NUDT3: variants seen among roughly 807,000 people sequenced by gnomAD.
The protein encoded by NUDT3 is nudix hydrolase 3, also known as diphosphoinositol polyphosphate phosphohydrolase 1.
Under a neutral mutation model 23.6 loss-of-function variants are expected in NUDT3, and 9 were observed. That is an observed-to-expected ratio of 0.38 (90% confidence interval 0.23 to 0.66). NUDT3 has a LOEUF of 0.66. Ranked by LOEUF, NUDT3 falls within the 30% of genes least tolerant of loss-of-function variation. The probability of loss-of-function intolerance (pLI) is 0.52; values close to 1 mark genes in which losing one functional copy is unlikely to be tolerated. For missense variants in NUDT3, 172 were observed against 218.5 expected (o/e 0.79, Z 1.34); for synonymous variants, 86 against 82.6 (o/e 1.04, Z -0.22).
In NUDT3 at chr6:34,376,752, C is replaced by T. The variant is rs184621903; in HGVS notation, c.99+15512G>A. On this transcript the variant is annotated intron_variant, in intron 1 of 4. Transcript: ENST00000607016. ...CTGAGTTCACCCTGCATTCTACTCT[C>T]ACACATACCTTTCCACAACCCTTTG... 8.5e-4 allele frequency among the ~76,000 whole-genome samples: 130 copies of T among 152,294 alleles called. No individual in the cohort carries two copies. The East Asian group carries it at 0.011, about 12-fold the overall frequency.
At position 34,284,749 on chromosome 6, in the gene NUDT3, C is replaced by G. The variant is rs1763315331; in HGVS notation, c.*4004G>C. 2 of 152,166 alleles carry G rather than the reference C, an allele frequency of 1.3e-5. No individual in the cohort carries two copies. Among genetic ancestry groups the G allele is most frequent in the African/African-American group, 2.4e-5 (1 of 41,426 alleles). 9.4% of individuals were successfully genotyped at this position (152,166 alleles called of 1,614,324 possible). ...GGAAGGAGCAGGAGGAGGAACAGATCTGCACAGAATTTTTTTCTTAAAAAC... is the reference window on the plus strand; with the variant it reads ...GGAAGGAGCAGGAGGAGGAACAGATGTGCACAGAATTTTTTTCTTAAAAAC... On this transcript the variant is annotated 3_prime_UTR_variant, in exon 5 of 5. Transcript: ENST00000607016.
rs1169349526 is a variant in NUDT3 at position 34,281,836 on chromosome 6, A to C, written c.*6917T>G. The C allele has an allele frequency of 6.6e-6, 1 of 152,158 alleles. No individual in the cohort carries two copies. The highest frequency in any genetic ancestry group is 1.9e-4 in the East Asian group (1 of 5,198). The allele number at this position is 152,158 out of a possible 1,614,324, so 9.4% of individuals were successfully genotyped here. A position where few individuals can be genotyped will look rare whatever the true frequency, so the allele number is the denominator to read the frequency against. On this transcript the variant is annotated 3_prime_UTR_variant, in exon 5 of 5. Transcript: ENST00000607016. ...CTGAGCAAACATGCTCCCAGTCACG[A>C]GGGATGGGGTGAGCGGGCAGGTTTC...
chr6:34,309,686 A>G (rs760860361), intron 2 of NUDT3, among the ~76,000 whole-genome samples: 17 of 152,066 alleles, frequency 1.1e-4, no homozygotes, highest in Non-Finnish European at 1.9e-4. Flanking sequence ...ATAAAAATTG[A>G]TAAGTCTTCA....
At chr6:34,358,637 G>T (rs1038107936) in intron 1 of NUDT3, among the ~76,000 whole-genome samples, 6 of 152,100 alleles carry the variant, frequency 3.9e-5, no homozygotes, top group Admixed American at 3.3e-4. Flanking sequence ...TATACCAACA[G>T]ATTGTAAACC....
intron 1 of NUDT3, among the ~76,000 whole-genome samples, chr6:34,354,299 C>T (rs1323953322): frequency 1.3e-5 from 2 of 152,000 alleles, no homozygotes; most frequent in Non-Finnish European, 2.9e-5. Flanking sequence ...GCATGAGCCA[C>T]TGGGCCTGGC....
At chr6:34,390,860 A>G (rs1765187064) in intron 1 of NUDT3, among the ~76,000 whole-genome samples, 1 of 152,184 alleles carries the variant, frequency 6.6e-6, no homozygotes, top group African/African-American at 2.4e-5. Context: ...AAGGCTCTGG[A>G]GCAATAAGCA....
At chr6:34,333,550 A>C (rs950525963) in intron 2 of NUDT3, among the ~76,000 whole-genome samples, 2 of 152,202 alleles carry the variant, frequency 1.3e-5, no homozygotes, top group East Asian at 3.8e-4. Context: ...CCTGGATTCA[A>C]ATCTTACCTT....
intron 3 of NUDT3, among the ~76,000 whole-genome samples, chr6:34,294,989 C>T (rs1369458148): frequency 2.0e-5 from 3 of 152,078 alleles, no homozygotes; most frequent in Admixed American, 2.0e-4. Flanking sequence ...ATTTGTATCA[C>T]AGCTTATTTC....
At chr6:34,326,940 GAGAGAGAGATCGTACGA>G (rs1764042495) in intron 2 of NUDT3, among the ~76,000 whole-genome samples, 1 of 152,058 alleles carries the variant, frequency 6.6e-6, no homozygotes, top group Non-Finnish European at 1.5e-5. Flanking sequence ...GTGTGGAGAC[GAGAGAGAGATCGTACGA>G]AATAAAGACA....
Position 34,293,507 on chromosome 6 carries a change from A to C in NUDT3, c.284T>G (p.Val95Gly). The change falls in exon 4 of 5, where the codon GTC becomes GGC. Residue 95 changes from valine (V) to glycine (G), a missense_variant. Transcript: ENST00000607016. ...CACTTCAGTGACAATGAGCACATAG[A>C]CATACGTCCTGTGCTTCCTCTCCTG... is the stretch of plus-strand genomic sequence containing the variant. The part of the protein sequence containing the change: ...ENQERKHRTY[V>G]YVLIVTEVLE... 1.9e-6 allele frequency: 3 copies of C among 1,614,192 alleles called. No homozygotes were observed. The highest frequency in any genetic ancestry group is 2.5e-6 in the Non-Finnish European group (3 of 1,180,018).
chr6:34,373,257 C>T lies in NUDT3; in HGVS notation c.99+19007G>A, dbSNP rs1210743229. 4.6e-5 allele frequency among the ~76,000 whole-genome samples: 5 copies of T among 108,482 alleles called. No homozygotes were observed. The South Asian group carries it at 1.2e-3, about 26-fold the overall frequency. 71.2% of individuals were successfully genotyped at this position (108,482 alleles called of 152,430 possible). ...TCACGCCACTGCACTCTAGCCTGGG[C>T]GACTGAGAAAGACTCCGTCTCAAAA... On this transcript the variant is annotated intron_variant, in intron 1 of 4. Coordinates refer to ENST00000607016, the MANE Select transcript of NUDT3 (RefSeq NM_006703.4).
rs1178066993 is a variant in NUDT3 at position 34,281,972 on chromosome 6, G to C, written c.*6781C>G. On this transcript the variant is annotated 3_prime_UTR_variant, in exon 5 of 5. Transcript: ENST00000607016. ...AGTCTCCTTTTTACTTCAGCACTTTGGAAACTCTCCAAGACTTAACTTCCG... is the reference window on the plus strand; with the variant it reads ...AGTCTCCTTTTTACTTCAGCACTTTCGAAACTCTCCAAGACTTAACTTCCG... 1 of 152,132 alleles carries C rather than the reference G, an allele frequency of 6.6e-6. No homozygotes were observed. The highest frequency in any genetic ancestry group is 1.9e-4 in the East Asian group (1 of 5,194). The allele number at this position is 152,132 out of a possible 1,614,324, so 9.4% of individuals were successfully genotyped here.
rs139234809 is a variant in NUDT3 at position 34,362,874 on chromosome 6, A to G, written c.100-20902T>C. Among the ~76,000 whole-genome samples, 181 of 152,164 alleles carry G rather than the reference A, an allele frequency of 1.2e-3. 1 individual carries two copies. In the East Asian group the frequency reaches 0.013, roughly 11 times the overall value. On this transcript the variant is annotated intron_variant, in intron 1 of 4. Transcript: ENST00000607016. ...TGAGGAAACTGGTTTAAAGAGAATA[A>G]TTCAGACCTGAACTTCAGATGTGAC...
intron 2 of NUDT3, among the ~76,000 whole-genome samples, chr6:34,309,296 C>T (rs934448243): frequency 1.3e-5 from 2 of 152,110 alleles, no homozygotes; most frequent in Non-Finnish European, 2.9e-5. Context: ...AAACAACACA[C>T]TTCTAAATAA....
Position 34,297,757 on chromosome 6 carries a change from A to T in NUDT3, c.211-2072T>A, listed in dbSNP as rs1444147282. Among the ~76,000 whole-genome samples, 188 of 68,002 alleles carry T rather than the reference A, an allele frequency of 2.8e-3. 6 individuals are homozygous for T. The highest frequency in any genetic ancestry group is 0.018 in the Middle Eastern group (2 of 114). 44.6% of individuals were successfully genotyped at this position (68,002 alleles called of 152,430 possible). A position where few individuals can be genotyped will look rare whatever the true frequency, so the allele number is the denominator to read the frequency against. On this transcript the variant is annotated intron_variant, in intron 2 of 4. Coordinates refer to ENST00000607016, the MANE Select transcript of NUDT3 (RefSeq NM_006703.4). ...TATATATATATATATATATATATAT[A>T]TAATTTTTTTTTTTTTTTTAGTAGA... is the stretch of plus-strand genomic sequence containing the variant.
intron 2 of NUDT3, among the ~76,000 whole-genome samples, chr6:34,326,107 C>T (rs1764024139): frequency 6.6e-6 from 1 of 152,114 alleles, no homozygotes; most frequent in African/African-American, 2.4e-5. Context: ...ATTTAAAATC[C>T]TTAAAAAATT....
chr6:34,357,472 C>T (rs1375432695), intron 1 of NUDT3, among the ~76,000 whole-genome samples: 1 of 151,786 alleles, frequency 6.6e-6, no homozygotes, highest in Non-Finnish European at 1.5e-5. Flanking sequence ...ATTAGCGGGG[C>T]ATGGTAGTGA....
intron 2 of NUDT3, among the ~76,000 whole-genome samples, chr6:34,331,179 G>A (rs781421321): frequency 1.3e-5 from 2 of 152,118 alleles, no homozygotes; most frequent in African/African-American, 2.4e-5. Flanking sequence ...GATAGACTGC[G>A]GATAGATTAA....
intron 3 of NUDT3, 142 bp downstream of exon 3, chr6:34,295,497 GGC>G: frequency 2.2e-6 from 2 of 892,410 alleles, no homozygotes; most frequent in Non-Finnish European, 3.3e-6. Context: ...CTCCAGCCTG[GGC>G]GAGAGTGAGA....
Sources: gnomAD v4.1 joint callset for allele counts (sites outside exome capture counted in the v4.1 genomes callset) on GRCh38, gnomAD v4.1.1 for gene constraint, MANE v1.5 for transcripts, NCBI Gene and HGNC (gene_info 2026-07-23, HGNC 2026-07-21) for gene names.